The following PRR16 variants were observed in gnomAD, a reference collection of about 807,000 sequenced individuals.
The protein encoded by PRR16 is proline rich 16, also known as protein Largen.
In PRR16, 6 loss-of-function variants were observed where a neutral mutation model predicts 18.2. The observed-to-expected ratio is 0.33, with a 90% CI of 0.18 to 0.65. The LOEUF (loss-of-function observed/expected upper bound fraction) is 0.65, where lower values mean the gene tolerates loss of function less well. Among genes scored for constraint, PRR16 ranks in the 30% least tolerant of loss-of-function variants. The pLI is 0.74. For missense variants in PRR16, 412 were observed against 376.6 expected, an observed-to-expected ratio of 1.09 and a Z score of -0.78; for synonymous variants, 151 against 147.8, an observed-to-expected ratio of 1.02 and a Z score of -0.16.
the PRR16 span, among the ~76,000 whole-genome samples, chr5:120,738,863 C>G: frequency 4.6e-5 from 7 of 152,132 alleles, no homozygotes. Flanking sequence ...CCTAATGAGA[C>G]AAACCAAGAT....
chr5:120,555,345 G>A (rs1386992890), intron 1 of PRR16, among the ~76,000 whole-genome samples: 4 of 151,870 alleles, frequency 2.6e-5, no homozygotes, highest in African/African-American at 7.3e-5. Context: ...AGGCTGCCAC[G>A]ACAAAATAAT....
chr5:120,496,317 G>A (rs1009828587), intron 1 of PRR16, among the ~76,000 whole-genome samples: 2 of 151,998 alleles, frequency 1.3e-5, no homozygotes, highest in Admixed American at 6.6e-5. Context: ...GAATTCCCCA[G>A]TGAAACCCTC....
At chr5:120,493,448 TA>T (rs1434252638) in intron 1 of PRR16, among the ~76,000 whole-genome samples, 2 of 152,218 alleles carry the variant, frequency 1.3e-5, no homozygotes, top group African/African-American at 2.4e-5. Flanking sequence ...TGATACTGTT[TA>T]TTTTTTTAAT....
chr5:120,738,406 T>C, the PRR16 span, among the ~76,000 whole-genome samples: 2 of 152,222 alleles, frequency 1.3e-5, no homozygotes, highest in East Asian at 3.9e-4. Context: ...AAAAAATTTT[T>C]TATTTAATAT....
At chr5:120,776,193 G>T in the PRR16 span, among the ~76,000 whole-genome samples, 1 of 152,052 alleles carries the variant, frequency 6.6e-6, no homozygotes, top group Non-Finnish European at 1.5e-5. Flanking sequence ...TTGCCTCAGT[G>T]ATTTTCCCTC....
chr5:120,776,108 C>G, the PRR16 span, among the ~76,000 whole-genome samples: 4 of 152,034 alleles, frequency 2.6e-5, no homozygotes, highest in Non-Finnish European at 5.9e-5. Flanking sequence ...TGTTGCTGCT[C>G]CCACTGGAGT....
chr5:120,559,668 T>C (rs537156821), intron 1 of PRR16, among the ~76,000 whole-genome samples: 93 of 152,038 alleles, frequency 6.1e-4, no homozygotes, highest in Middle Eastern at 3.4e-3. Context: ...AGAATTATTA[T>C]TATTATTCTG....
At chr5:120,715,323 A>G in the PRR16 span, among the ~76,000 whole-genome samples, 2 of 152,198 alleles carry the variant, frequency 1.3e-5, no homozygotes, top group African/African-American at 4.8e-5. Flanking sequence ...GCACTGTGGA[A>G]AAGTCCATGG....
intron 1 of PRR16, among the ~76,000 whole-genome samples, chr5:120,614,909 G>T (rs1754456021): frequency 6.6e-6 from 1 of 152,154 alleles, no homozygotes; most frequent in South Asian, 2.1e-4. Flanking sequence ...CTGCTGTATT[G>T]CCCGGAGAAT....
chr5:120,782,340 C>CATA, the PRR16 span, among the ~76,000 whole-genome samples: 1 of 152,298 alleles, frequency 6.6e-6, no homozygotes, highest in South Asian at 2.1e-4. Flanking sequence ...AGCCCACCCT[C>CATA]ATAACTGCAC....
At chr5:120,709,866 C>A in the PRR16 span, among the ~76,000 whole-genome samples, 1 of 152,084 alleles carries the variant, frequency 6.6e-6, no homozygotes, top group Non-Finnish European at 1.5e-5. Context: ...ATCACATTTT[C>A]TTTATAAATT....
chr5:120,610,762 A>G (rs988840026), intron 1 of PRR16, among the ~76,000 whole-genome samples: 20 of 152,130 alleles, frequency 1.3e-4, no homozygotes, highest in Non-Finnish European at 2.9e-5. Context: ...CTATGTCTTT[A>G]TCAGTAGCAT....
intron 1 of PRR16, among the ~76,000 whole-genome samples, chr5:120,586,183 A>AT (rs3047987): frequency 2.0e-4 from 30 of 151,940 alleles, no homozygotes; most frequent in African/African-American, 3.1e-4. Context: ...AAAAAAAAAA[A>AT]ATATGTTTTT....
intron 1 of PRR16, among the ~76,000 whole-genome samples, chr5:120,683,052 C>T (rs1330482567): frequency 6.6e-6 from 1 of 151,980 alleles, no homozygotes; most frequent in Admixed American, 6.6e-5. Context: ...CATTCTGTGG[C>T]AGGAAGCAGA....
chr5:120,667,651 T>G (rs1041236363), intron 1 of PRR16, among the ~76,000 whole-genome samples: 121 of 151,952 alleles, frequency 8.0e-4, no homozygotes, highest in Admixed American at 3.5e-3. Flanking sequence ...TCTGGTATGT[T>G]GTGTCTTTGT....
intron 1 of PRR16, among the ~76,000 whole-genome samples, chr5:120,486,503 T>A (rs1432362081): frequency 6.6e-6 from 1 of 152,004 alleles, no homozygotes; most frequent in Non-Finnish European, 1.5e-5. Flanking sequence ...GGTTGTTTTT[T>A]TCCTGTAAAT....
At chr5:120,695,599 T>G in the PRR16 span, among the ~76,000 whole-genome samples, 20 of 152,290 alleles carry the variant, frequency 1.3e-4, no homozygotes, top group Admixed American at 1.1e-3. Flanking sequence ...GGAGAAACTT[T>G]CCTCTCGCCA....
At chr5:120,574,774 C>T (rs901300548) in intron 1 of PRR16, among the ~76,000 whole-genome samples, 1 of 149,062 alleles carries the variant, frequency 6.7e-6, no homozygotes. Context: ...CTTGCAGCAA[C>T]AAGAACTCTC....
At chr5:120,766,707 A>G in the PRR16 span, among the ~76,000 whole-genome samples, 3 of 151,982 alleles carry the variant, frequency 2.0e-5, no homozygotes, top group Non-Finnish European at 4.4e-5. Context: ...TAAGCAGCTA[A>G]TTATAGAGTT....
Sources: allele counts gnomAD v4.1 joint callset (sites outside exome capture counted in the v4.1 genomes callset), GRCh38; gene constraint gnomAD v4.1.1; transcripts MANE v1.5; gene names NCBI Gene and HGNC (gene_info 2026-07-23, HGNC 2026-07-21).